POFUT1: variants seen among roughly 807,000 people sequenced by gnomAD.
POFUT1 encodes GDP-fucose protein O-fucosyltransferase 1.
POFUT1 carries 16 observed loss-of-function variants against 42.4 expected under a neutral mutation model. The observed-to-expected ratio is 0.38, with a 90% CI of 0.26 to 0.57. The LOEUF (loss-of-function observed/expected upper bound fraction) is 0.57, where lower values mean the gene tolerates loss of function less well. POFUT1 is among the 20% of genes least tolerant of loss of function. The pLI is 0.71. For missense variants in POFUT1, 470 were observed against 504.6 expected (o/e 0.93, Z 0.66); for synonymous variants, 206 against 205.4 (o/e 1.00, Z -0.03).
intron 4 of POFUT1, among the ~76,000 whole-genome samples, chr20:32,227,642 A>T (rs577091841): frequency 2.2e-4 from 33 of 152,350 alleles, no homozygotes; most frequent in Non-Finnish European, 4.0e-4. Flanking sequence ...TGAAATAATT[A>T]TGAGATGGAC....
chr20:32,234,183 G>A (rs758044257), intron 6 of POFUT1, among the ~76,000 whole-genome samples: 3 of 152,226 alleles, frequency 2.0e-5, no homozygotes, highest in Non-Finnish European at 4.4e-5. Flanking sequence ...AGTCTGGTCG[G>A]TATTTTAATG....
chr20:32,221,156 TAAG>T (rs747865467), intron 4 of POFUT1, among the ~76,000 whole-genome samples: 4 of 152,176 alleles, frequency 2.6e-5, no homozygotes, highest in Non-Finnish European at 4.4e-5. Context: ...GGCAATCTGT[TAAG>T]AAGCCTGTGA....
chr20:32,232,556 T>C (rs916511857), intron 6 of POFUT1, among the ~76,000 whole-genome samples: 2 of 152,150 alleles, frequency 1.3e-5, no homozygotes, highest in Non-Finnish European at 2.9e-5. Context: ...ATTAAACTGG[T>C]ATTATTTCTT....
Position 32,234,804 on chromosome 20 carries a change from C to A in POFUT1, c.*143C>A. On this transcript the variant is annotated 3_prime_UTR_variant, in exon 7 of 7. Coordinates refer to ENST00000375749, the MANE Select transcript of POFUT1 (RefSeq NM_015352.2). ...CAAAGATGGAGAAGAGTGCCAGGGA[C>A]CCCTCAAGGAGGGAGACGCTCCATA... 1 of 705,734 alleles carries A rather than the reference C, an allele frequency of 1.4e-6. No individual in the cohort carries two copies. Among genetic ancestry groups the A allele is most frequent in the South Asian group, 2.0e-5 (1 of 50,346 alleles). 43.7% of individuals were successfully genotyped at this position (705,734 alleles called of 1,614,324 possible).
chr20:32,225,154 A>G (rs557670708), intron 4 of POFUT1, among the ~76,000 whole-genome samples: 2 of 152,312 alleles, frequency 1.3e-5, no homozygotes, highest in African/African-American at 4.8e-5. Context: ...ATCATATTGT[A>G]TATCGTAAAT....
chr20:32,231,967 T>TA (rs770399061), intron 6 of POFUT1, among the ~76,000 whole-genome samples: 1 of 152,242 alleles, frequency 6.6e-6, no homozygotes, highest in Non-Finnish European at 1.5e-5. Context: ...TACGTATTGA[T>TA]AAAATGACTG....
chr20:32,207,996 C>T lies in POFUT1; in HGVS notation c.55C>T (p.Leu19=), dbSNP rs769174950. The T allele has an allele frequency of 1.3e-6, 2 of 1,593,596 alleles. No individual in the cohort carries two copies. Among genetic ancestry groups the T allele is most frequent in the Admixed American group, 1.7e-5 (1 of 58,854 alleles). Residue 19 remains leucine (L), a synonymous_variant, in exon 1 of 7, where the codon CTG becomes TTG. Transcript: ENST00000375749. Reference sequence around the variant, plus strand: ...GAGCGTGTCTTTCCTGCTGCTGCTTCTGCCGCTCCCGGGGATGCCTGCGGG... The same window carrying T: ...GAGCGTGTCTTTCCTGCTGCTGCTTTTGCCGCTCCCGGGGATGCCTGCGGG... The part of the protein sequence containing the change: ...PLSVSFLLLL[L]PLPGMPAGSW...
In POFUT1 at chr20:32,220,740, C is replaced by CA. The variant is rs775995685; in HGVS notation, c.542+4033dup. Reference sequence around the variant, plus strand: ...CCTGGGCAGCAGAGTGAAACTGTCTCAAAAAAAAAAAAAAGGCTTGACTGA... The same window carrying CA: ...CCTGGGCAGCAGAGTGAAACTGTCTCAAAAAAAAAAAAAAAGGCTTGACTGA... On this transcript the variant is annotated intron_variant, in intron 4 of 6. Transcript: ENST00000375749. Among the ~76,000 whole-genome samples, 849 of 129,712 alleles carry CA rather than the reference C, an allele frequency of 6.5e-3. 2 individuals are homozygous for CA. Among genetic ancestry groups the CA allele is most frequent in the African/African-American group, 0.017 (607 of 35,618 alleles). The allele number at this position is 129,712 out of a possible 152,430, so 85.1% of individuals were successfully genotyped here. A position where few individuals can be genotyped will look rare whatever the true frequency, so the allele number is the denominator to read the frequency against.
chr20:32,227,981 A>G (rs1194793933), intron 4 of POFUT1, among the ~76,000 whole-genome samples: 3 of 152,112 alleles, frequency 2.0e-5, no homozygotes, highest in Admixed American at 6.5e-5. Context: ...TGACATATAA[A>G]AGGTTGGAAT....
At chr20:32,223,086 G>A in intron 4 of POFUT1, 11 of 985,440 alleles carry the variant, frequency 1.1e-5, no homozygotes, top group Non-Finnish European at 1.3e-5. Flanking sequence ...ATAAATGGAT[G>A]CTGTATACAG....
Position 32,229,778 on chromosome 20 carries a change from C to CT in POFUT1, c.736-1031dup, listed in dbSNP as rs373199937. Among the ~76,000 whole-genome samples, 1,010 of 148,780 alleles carry CT rather than the reference C, an allele frequency of 6.8e-3. 11 individuals are homozygous for CT. Among genetic ancestry groups the CT allele is most frequent in the African/African-American group, 0.022 (894 of 40,628 alleles). ...ACTGTTAACTCCTCCTCCTTCAATG[C>CT]TTTTTTTTTTGAGACAGAGTCTCAC... On this transcript the variant is annotated intron_variant, in intron 5 of 6. Transcript: ENST00000375749.
intron 4 of POFUT1, among the ~76,000 whole-genome samples, chr20:32,222,213 G>A (rs865894420): frequency 1.3e-5 from 2 of 152,212 alleles, no homozygotes; most frequent in Non-Finnish European, 2.9e-5. Context: ...CAAGGCAGGA[G>A]AATCACTTGA....
In POFUT1 at chr20:32,237,600, G is replaced by T; in HGVS notation, c.*2939G>T. The stretch of plus-strand genomic sequence containing the variant: ...GTCAGAGCAGGCGAGCTGACATTCT[G>T]CAGCCTGGACGGCCATGGCAGGAAG... On this transcript the variant is annotated 3_prime_UTR_variant, in exon 7 of 7. Transcript: ENST00000375749. 3.4e-6 allele frequency: 1 copy of T among 298,292 alleles called. No homozygotes were observed. Among genetic ancestry groups the T allele is most frequent in the Non-Finnish European group, 7.0e-6 (1 of 142,866 alleles). The allele number at this position is 298,292 out of a possible 1,614,324, so 18.5% of individuals were successfully genotyped here.
chr20:32,235,496 T>C lies in POFUT1; in HGVS notation c.*835T>C, dbSNP rs1429482806. The stretch of plus-strand genomic sequence containing the variant: ...CCCCAGTGGGGCCTGGTTGGTAGAA[T>C]GTTGGCATTCGGTTGATATCCAAAG... On this transcript the variant is annotated 3_prime_UTR_variant, in exon 7 of 7. Coordinates refer to ENST00000375749, the MANE Select transcript of POFUT1 (RefSeq NM_015352.2). The C allele has an allele frequency of 6.6e-6, 1 of 152,258 alleles. No individual in the cohort carries two copies. The highest frequency in any genetic ancestry group is 1.9e-4 in the East Asian group (1 of 5,194). 9.4% of individuals were successfully genotyped at this position (152,258 alleles called of 1,614,324 possible). A position where few individuals can be genotyped will look rare whatever the true frequency, so the allele number is the denominator to read the frequency against.
chr20:32,230,853 C>G lies in POFUT1; in HGVS notation c.770C>G (p.Ala257Gly). Residue 257 changes from alanine to glycine, a missense_variant, in exon 6 of 7, where the codon GCA becomes GGA. Coordinates refer to ENST00000375749, the MANE Select transcript of POFUT1 (RefSeq NM_015352.2). The stretch of plus-strand genomic sequence containing the variant: ...TGTGCCATGCTGAAGGACGGGACTG[C>G]AGGCTCGCACTTCATGGCCTCTCCG... ...NACAMLKDGTAGSHFMASPQC... is the reference protein window; with the variant it reads ...NACAMLKDGTGGSHFMASPQC... 1.9e-6 allele frequency: 3 copies of G among 1,614,080 alleles called. No homozygotes were observed. Among genetic ancestry groups the G allele is most frequent in the Non-Finnish European group, 2.5e-6 (3 of 1,180,032 alleles).
intron 6 of POFUT1, 114 bp downstream of exon 6, chr20:32,231,175 C>T: frequency 1.7e-6 from 2 of 1,151,442 alleles, no homozygotes; most frequent in South Asian, 2.8e-5. Flanking sequence ...TTGCCTGGAC[C>T]TACCATTCCT....
intron 4 of POFUT1, among the ~76,000 whole-genome samples, chr20:32,227,470 C>A (rs6141274): frequency 6.6e-6 from 1 of 152,078 alleles, no homozygotes; most frequent in Non-Finnish European, 1.5e-5. Context: ...TGCAGTGAGC[C>A]GAGATCACGC....
chr20:32,215,466 T>C lies in POFUT1; in HGVS notation c.429+15T>C, dbSNP rs766683209. ...GCCCCATGAAGGTGGGTCCTGTGGG[T>C]TCGGGGGCCCTTTCTTCCTGTTCCA... On this transcript the variant is annotated intron_variant, in intron 3 of 6. Transcript: ENST00000375749. 5 of 1,594,430 alleles carry C rather than the reference T, an allele frequency of 3.1e-6. No homozygotes were observed. In the Admixed American group the frequency reaches 6.7e-5, roughly 21 times the overall value.
rs546051985 is a variant in POFUT1 at position 32,215,600 on chromosome 20, C to T, written c.429+149C>T. 167 of 678,142 alleles carry T rather than the reference C, an allele frequency of 2.5e-4. 1 individual carries two copies. The highest frequency in any genetic ancestry group is 2.2e-3 in the South Asian group (92 of 42,222). 42.0% of individuals were successfully genotyped at this position (678,142 alleles called of 1,614,324 possible). ...AAGTCCTGTTTCTGGCATTTGTTAG[C>T]GAAGCTGCATCACCTTGGGCAGAAG... On this transcript the variant is annotated intron_variant, in intron 3 of 6. Coordinates refer to ENST00000375749, the MANE Select transcript of POFUT1 (RefSeq NM_015352.2).
Sources: gnomAD v4.1 joint callset for allele counts (sites outside exome capture counted in the v4.1 genomes callset) on GRCh38, gnomAD v4.1.1 for gene constraint, MANE v1.5 for transcripts, NCBI Gene and HGNC (gene_info 2026-07-23, HGNC 2026-07-21) for gene names.